SPARC: variants seen among roughly 807,000 people sequenced by gnomAD.
SPARC encodes basement-membrane protein 40.
A neutral mutation model predicts 37.7 loss-of-function variants in SPARC; 23 were observed. The ratio of observed to expected loss-of-function variants is 0.61; its 90% confidence interval spans 0.44 to 0.87. The LOEUF (loss-of-function observed/expected upper bound fraction) is 0.87. Among genes scored for constraint, SPARC ranks in the 40% least tolerant of loss-of-function variants. The probability of loss-of-function intolerance (pLI) is 0.00; values close to 1 mark genes in which losing one functional copy is unlikely to be tolerated. For synonymous variants in SPARC, 155 were observed against 150.8 expected, an observed-to-expected ratio of 1.03 and a Z score of -0.20; for missense variants, 312 against 389.0, an observed-to-expected ratio of 0.80 and a Z score of 1.66.
chr5:151,673,959 C>G (rs1181457753), intron 3 of SPARC, among the ~76,000 whole-genome samples: 2 of 142,512 alleles, frequency 1.4e-5, no homozygotes, highest in Non-Finnish European at 3.0e-5. Context: ...AGCATCTCCC[C>G]TTTCCTCTGT....
Sources: gnomAD v4.1 joint callset for allele counts (sites outside exome capture counted in the v4.1 genomes callset) on GRCh38, gnomAD v4.1.1 for gene constraint, MANE v1.5 for transcripts, NCBI Gene and HGNC (gene_info 2026-07-23, HGNC 2026-07-21) for gene names.